PLA2G4B: variants seen among roughly 807,000 people sequenced by gnomAD.
PLA2G4B encodes the protein cytosolic phospholipase A2 beta.
Under a neutral mutation model 95.8 loss-of-function variants are expected in PLA2G4B, and 122 were observed. That is an observed-to-expected ratio of 1.27 (90% CI 1.10 to 1.48). PLA2G4B has a LOEUF of 1.48. Ranked by LOEUF, PLA2G4B falls within the 40% of genes most tolerant of loss-of-function variation. PLA2G4B has a pLI of 0.00. For synonymous variants in PLA2G4B, 518 were observed against 421.5 expected, an observed-to-expected ratio of 1.23 and a Z score of -2.80; for missense variants, 1,158 against 996.2, an observed-to-expected ratio of 1.16 and a Z score of -2.19.
In PLA2G4B at chr15:41,845,285, C is replaced by G. The variant is rs1317383131; in HGVS notation, c.1322C>G (p.Thr441Ser). 5 of 1,614,078 alleles carry G rather than the reference C, an allele frequency of 3.1e-6. No homozygotes were observed. The East Asian group carries it at 1.1e-4, about 36-fold the overall frequency. ...NPLPIYCALN[T>S]KGQSLTTFEF... ...CTGCCCATCTACTGTGCCCTCAACACCAAAGGGCAGAGCCTGACCACTTTT... is the reference window on the plus strand; with the variant it reads ...CTGCCCATCTACTGTGCCCTCAACAGCAAAGGGCAGAGCCTGACCACTTTT... The change falls in exon 14 of 20, where the codon ACC becomes AGC. Residue 441 changes from threonine (T) to serine (S), a missense_variant. By Grantham distance (58) the Thr-to-Ser change is moderately conservative (BLOSUM62 1). Transcript: ENST00000458483.
At chr15:41,842,800 CG>C (rs2065459197) in intron 10 of PLA2G4B, 1 of 676,068 alleles carries the variant, frequency 1.5e-6, no homozygotes, top group African/African-American at 1.9e-5. Flanking sequence ...GGCGAGTGAC[CG>C]GCCCAGTGCC....
Position 41,844,483 on chromosome 15 carries a change from G to A in PLA2G4B, c.892G>A (p.Ala298Thr). The change falls in exon 12 of 20, where the codon GCT becomes ACT. Residue 298 changes from alanine to threonine, a missense_variant. Physicochemically the swap from Ala to Thr is moderately conservative, Grantham distance 58. Transcript: ENST00000458483. ...DLQEDEIPVV[A>T]IMATGGGIRA... ...TCTTCTTTTCCAGATCCCAGTGGTA[G>A]CTATTATGGCCACTGGTGGTGGGAT... 5 of 1,614,204 alleles carry A rather than the reference G, an allele frequency of 3.1e-6. No homozygotes were observed. The highest frequency in any genetic ancestry group is 4.2e-6 in the Non-Finnish European group (5 of 1,180,028).
At chr15:41,844,327 G>A (rs2065491688) in intron 11 of PLA2G4B, 144 bp from the exon 12 acceptor site, 1 of 1,400,116 alleles carries the variant, frequency 7.1e-7, no homozygotes, top group Non-Finnish European at 9.8e-7. Context: ...CTGGCCCCCA[G>A]GGCTGACTGA....
At position 41,846,348 on chromosome 15, in the gene PLA2G4B, C is replaced by G; in HGVS notation, c.1746C>G (p.Asp582Glu). 1 of 1,609,108 alleles carries G rather than the reference C, an allele frequency of 6.2e-7. No individual in the cohort carries two copies. Among genetic ancestry groups the G allele is most frequent in the Non-Finnish European group, 8.5e-7 (1 of 1,175,608 alleles). Residue 582 changes from aspartate to glutamate, a missense_variant, in exon 17 of 20, where the codon GAC (aspartate) becomes GAG (glutamate). Transcript: ENST00000458483. ...TGCGTGGCCTCCATTTCCACAAAGACTACTTTCAGCATCCTCACTTCTCCA... is the reference window on the plus strand; with the variant it reads ...TGCGTGGCCTCCATTTCCACAAAGAGTACTTTCAGCATCCTCACTTCTCCA... ...NFLRGLHFHK[D>E]YFQHPHFSTW...
Position 41,844,495 on chromosome 15 carries a change from A to G in PLA2G4B, c.904A>G (p.Thr302Ala). 1 of 1,614,012 alleles carries G rather than the reference A, an allele frequency of 6.2e-7. No homozygotes were observed. The highest frequency in any genetic ancestry group is 1.3e-5 in the African/African-American group (1 of 74,966). ...DEIPVVAIMA[T>A]GGGIRAMTSL... ...GATCCCAGTGGTAGCTATTATGGCC[A>G]CTGGTGGTGGGATCCGGGCAATGAC... Residue 302 changes from threonine (T) to alanine (A), a missense_variant, in exon 12 of 20, where the codon ACT becomes GCT. Coordinates refer to ENST00000458483, the MANE Select transcript of PLA2G4B (RefSeq NM_001114633.2).
chr15:41,838,900 G>A lies in PLA2G4B; in HGVS notation c.-14G>A, dbSNP rs754583083. On this transcript the variant is annotated 5_prime_UTR_variant, in exon 1 of 20. Coordinates refer to ENST00000458483, the MANE Select transcript of PLA2G4B (RefSeq NM_001114633.2). The stretch of plus-strand genomic sequence containing the variant: ...CCACTGCCCCATCATTCCTGCTCCT[G>A]AGGACTCAGTCTCATGGCTGTGGTA... 1.9e-6 allele frequency: 3 copies of A among 1,595,442 alleles called. No homozygotes were observed. The highest frequency in any genetic ancestry group is 2.6e-6 in the Non-Finnish European group (3 of 1,170,174).
intron 12 of PLA2G4B, 46 bp from the exon 13 acceptor site, chr15:41,844,802 G>C: frequency 6.4e-7 from 1 of 1,562,540 alleles, no homozygotes; most frequent in Non-Finnish European, 8.7e-7. Context: ...GTCTAGACGG[G>C]GTCCTTCAGT....
At chr15:41,842,677 G>C in intron 10 of PLA2G4B, 86 bp downstream of exon 10, 95 of 1,489,054 alleles carry the variant, frequency 6.4e-5, no homozygotes, top group Non-Finnish European at 8.2e-5. Context: ...GTGAGGGGGA[G>C]AAACAGCCGC....
In PLA2G4B at chr15:41,845,691, A is replaced by T. The variant is rs1216744442; in HGVS notation, c.1411A>T (p.Ile471Phe). 6.2e-7 allele frequency: 1 copy of T among 1,614,022 alleles called. No homozygotes were observed. The highest frequency in any genetic ancestry group is 1.3e-5 in the African/African-American group (1 of 75,020). Residue 471 changes from isoleucine (I) to phenylalanine (F), a missense_variant, in exon 15 of 20, where the codon ATC (isoleucine) becomes TTC (phenylalanine). Coordinates refer to ENST00000458483, the MANE Select transcript of PLA2G4B (RefSeq NM_001114633.2). ...EVGFPKYGAF[I>F]PSELFGSEFF... ...CGGCTTCCCCAAGTACGGGGCCTTC[A>T]TCCCCTCTGAGCTCTTTGGCTCCGA...
At chr15:41,842,465 G>T in intron 9 of PLA2G4B, 89 bp from the exon 10 acceptor site, 4 of 1,557,152 alleles carry the variant, frequency 2.6e-6, no homozygotes, top group East Asian at 2.3e-5. Context: ...GTGGCGGGGC[G>T]GGGGTGGTGC....
rs1347132195 is a variant in PLA2G4B, at chr15:41,841,624, C to T, written c.490+53C>T. 10 of 1,611,834 alleles carry T rather than the reference C, an allele frequency of 6.2e-6. No individual in the cohort carries two copies. In the East Asian group the frequency reaches 1.3e-4, roughly 22 times the overall value. Reference sequence around the variant, plus strand: ...CCTGGCTCTCAGCTCTTGTCTTCCCCCTTTAAGCATTGGACAATTCTCCTT... The same window carrying T: ...CCTGGCTCTCAGCTCTTGTCTTCCCTCTTTAAGCATTGGACAATTCTCCTT... On this transcript the variant is annotated intron_variant, in intron 7 of 19. Transcript: ENST00000458483.
intron 11 of PLA2G4B, among the ~76,000 whole-genome samples, chr15:41,844,145 C>T (rs1431726561): frequency 6.6e-6 from 1 of 152,182 alleles, no homozygotes; most frequent in Admixed American, 6.5e-5. Context: ...TGGGCCGTCT[C>T]CTGGGGGAGT....
In PLA2G4B at chr15:41,845,998, A is replaced by G. The variant is rs2065535648; in HGVS notation, c.1551A>G (p.Ser517=). Residue 517 remains serine (S), a synonymous_variant, in exon 16 of 20, where the codon TCA becomes TCG. Transcript: ENST00000458483. ...ANLQDSLYWA[S]EPSQFWDRWV... ...TCCAGGACAGCTTATACTGGGCCTC[A>G]GAGCCCAGCCAGTTCTGGGACCGCT... 1.3e-6 allele frequency: 2 copies of G among 1,525,028 alleles called. No individual in the cohort carries two copies. The highest frequency in any genetic ancestry group is 2.6e-5 in the South Asian group (2 of 76,712). The allele number at this position is 1,525,028 out of a possible 1,614,324, so 94.5% of individuals were successfully genotyped here.
chr15:41,846,390 C>T lies in PLA2G4B; in HGVS notation c.1780+8C>T. On this transcript the variant is annotated splice_region_variant and intron_variant, in intron 17 of 19. Transcript: ENST00000458483. ...ACTTCTCCACATGGAAAGGTACCTGCTTCTCTCCAAAGTCCTCCTGTGGCC... is the reference window on the plus strand; with the variant it reads ...ACTTCTCCACATGGAAAGGTACCTGTTTCTCTCCAAAGTCCTCCTGTGGCC... 1 of 1,599,910 alleles carries T rather than the reference C, an allele frequency of 6.3e-7. No individual in the cohort carries two copies.
chr15:41,839,267 C>T (rs553337802), intron 1 of PLA2G4B: 2 of 214,252 alleles, frequency 9.3e-6, no homozygotes, highest in South Asian at 1.7e-4. Flanking sequence ...TGTGAGGGCC[C>T]TGGGCTGACC....
At chr15:41,842,523 C>T in intron 9 of PLA2G4B, 31 bp from the exon 10 acceptor site, 1 of 1,611,684 alleles carries the variant, frequency 6.2e-7, no homozygotes, top group Non-Finnish European at 8.5e-7. Context: ...GGTGGCCGAC[C>T]TTTTGTGACT....
intron 4 of PLA2G4B, 72 bp downstream of exon 4, chr15:41,840,977 C>G (rs2065419961): frequency 1.3e-6 from 2 of 1,583,216 alleles, no homozygotes; most frequent in Non-Finnish European, 1.7e-6. Flanking sequence ...CATGCACACA[C>G]ACGCATGTCT....
At position 41,845,233 on chromosome 15, in the gene PLA2G4B, G is replaced by C; in HGVS notation, c.1270G>C (p.Glu424Gln). 6.2e-7 allele frequency: 1 copy of C among 1,614,200 alleles called. No homozygotes were observed. The highest frequency in any genetic ancestry group is 2.2e-5 in the East Asian group (1 of 44,880). ...PHDHKLSDQR[E>Q]ALSHGQNPLP... ...TGATCACAAGCTCTCAGATCAACGG[G>C]AGGCCCTGAGTCATGGCCAGAACCC... is the stretch of plus-strand genomic sequence containing the variant. Residue 424 changes from glutamate (E) to glutamine (Q), a missense_variant, in exon 14 of 20, where the codon GAG becomes CAG. By Grantham distance (29) the Glu-to-Gln change is conservative. Coordinates refer to ENST00000458483, the MANE Select transcript of PLA2G4B (RefSeq NM_001114633.2).
chr15:41,844,940 A>T lies in PLA2G4B; in HGVS notation c.1109A>T (p.Lys370Met), dbSNP rs1442776804. ...CTGAAGACCCAGGTGACCAAGAACAAGCTGGGTGTGCTGGCCCCCAGCCAG... is the reference window on the plus strand; with the variant it reads ...CTGAAGACCCAGGTGACCAAGAACATGCTGGGTGTGCTGGCCCCCAGCCAG... ...ELLKTQVTKN[K>M]LGVLAPSQLQ... The change falls in exon 13 of 20, where the codon AAG (lysine) becomes ATG (methionine). Residue 370 changes from lysine to methionine, a missense_variant. Transcript: ENST00000458483. 1 of 1,612,516 alleles carries T rather than the reference A, an allele frequency of 6.2e-7. No homozygotes were observed. Among genetic ancestry groups the T allele is most frequent in the South Asian group, 1.1e-5 (1 of 90,678 alleles).
Sources: gnomAD v4.1 joint callset for allele counts (sites outside exome capture counted in the v4.1 genomes callset) on GRCh38, gnomAD v4.1.1 for gene constraint, MANE v1.5 for transcripts, NCBI Gene and HGNC (gene_info 2026-07-23, HGNC 2026-07-21) for gene names.